The following CRACR2A variants were observed in gnomAD, a reference collection of about 807,000 sequenced individuals.
CRACR2A encodes the protein EF-hand calcium-binding domain-containing protein 4B.
In CRACR2A, 79 loss-of-function variants were observed where a neutral mutation model predicts 90.5. The ratio of observed to expected loss-of-function variants is 0.87; its 90% CI spans 0.73 to 1.05. CRACR2A has a LOEUF of 1.05. CRACR2A is among the 50% of genes least tolerant of loss of function. CRACR2A has a pLI of 0.00. For missense variants in CRACR2A, 823 were observed against 897.2 expected (o/e 0.92, Z 1.06); for synonymous variants, 338 against 356.7 (o/e 0.95, Z 0.59).
At chr12:3,702,265 C>T (rs1009997482) in intron 3 of CRACR2A, among the ~76,000 whole-genome samples, 4 of 152,136 alleles carry the variant, frequency 2.6e-5, no homozygotes, top group African/African-American at 9.7e-5. Flanking sequence ...TCTGTTCTTA[C>T]CACTTCTATT....
intron 4 of CRACR2A, 44 bp from the exon 5 acceptor site, chr12:3,680,393 G>A (rs1351943711): frequency 6.5e-7 from 1 of 1,541,234 alleles, no homozygotes; most frequent in South Asian, 1.1e-5. Flanking sequence ...GACACTCACT[G>A]GTGGGGGAGG....
At chr12:3,686,161 T>A (rs956212057) in intron 4 of CRACR2A, among the ~76,000 whole-genome samples, 2 of 152,244 alleles carry the variant, frequency 1.3e-5, no homozygotes, top group Admixed American at 6.5e-5. Flanking sequence ...AAACCCAAGT[T>A]AATTTACTAT....
At chr12:3,645,402 C>A (rs573242235) in intron 11 of CRACR2A, among the ~76,000 whole-genome samples, 3 of 151,948 alleles carry the variant, frequency 2.0e-5, no homozygotes, top group African/African-American at 7.3e-5. Flanking sequence ...GGAGATGAAG[C>A]GAGAGAAAAA....
chr12:3,636,545 C>A (rs1398698867), intron 14 of CRACR2A, among the ~76,000 whole-genome samples: 4 of 152,242 alleles, frequency 2.6e-5, no homozygotes, highest in Admixed American at 6.5e-5. Context: ...CATCAGATAG[C>A]GGTGAGGATA....
chr12:3,624,047 G>A (rs1289679569), intron 17 of CRACR2A, among the ~76,000 whole-genome samples: 1 of 152,216 alleles, frequency 6.6e-6, no homozygotes, highest in Non-Finnish European at 1.5e-5. Context: ...TCATGGCCAG[G>A]AAGTGATCAA....
intron 1 of CRACR2A, among the ~76,000 whole-genome samples, chr12:3,744,946 T>C (rs1183329247): frequency 6.6e-6 from 1 of 152,232 alleles, no homozygotes. Context: ...TTTTATGTTA[T>C]GTATATTTTA....
At chr12:3,741,099 T>C (rs1390564569) in intron 1 of CRACR2A, among the ~76,000 whole-genome samples, 1 of 152,230 alleles carries the variant, frequency 6.6e-6, no homozygotes, top group Non-Finnish European at 1.5e-5. Flanking sequence ...ACACCCAGAA[T>C]GACTTTCTTA....
Position 3,679,000 on chromosome 12 carries a change from CA to C in CRACR2A, c.438del (p.Asp146GlufsTer18). On this transcript the variant is annotated frameshift_variant, in exon 6 of 20. Transcript: ENST00000440314. LOFTEE classifies it high-confidence loss of function. Reference protein sequence around the residue: ...HEEKVYLSRGDEDLGDMGEDE... With the variant: ...HEEKVYLSRGXEDLGDMGEDE... ...TCTTCGCCCATGTCGCCCAGATCCTCATCCCCTCTGGACAGATACACCTTCT... is the reference window on the plus strand; with the variant it reads ...TCTTCGCCCATGTCGCCCAGATCCTCTCCCCTCTGGACAGATACACCTTCT... 1 of 1,614,160 alleles carries C rather than the reference CA, an allele frequency of 6.2e-7. No individual in the cohort carries two copies. The highest frequency in any genetic ancestry group is 8.5e-7 in the Non-Finnish European group (1 of 1,180,014).
chr12:3,652,568 A>C (rs1034550309), intron 10 of CRACR2A, among the ~76,000 whole-genome samples: 5 of 152,152 alleles, frequency 3.3e-5, no homozygotes, highest in African/African-American at 7.2e-5. Context: ...AGGATTCCGC[A>C]CATAAGTCAA....
chr12:3,683,830 T>C (rs1432756567), intron 4 of CRACR2A, among the ~76,000 whole-genome samples: 2 of 152,188 alleles, frequency 1.3e-5, no homozygotes, highest in African/African-American at 4.8e-5. Context: ...CTAAGAGCAA[T>C]GGCAGGAGAC....
chr12:3,709,106 G>A (rs181679300), intron 3 of CRACR2A, among the ~76,000 whole-genome samples: 2 of 152,176 alleles, frequency 1.3e-5, no homozygotes, highest in Non-Finnish European at 2.9e-5. Flanking sequence ...AGGGGACAAC[G>A]TACAAACAGC....
Position 3,680,441 on chromosome 12 carries a change from T to G in CRACR2A, c.229-92A>C, listed in dbSNP as rs17780600. 0.13 allele frequency: 142,328 copies of G among 1,091,092 alleles called. 10,417 individuals carry two copies. The highest frequency in any genetic ancestry group is 0.26 in the Admixed American group (13,312 of 51,410). 67.6% of individuals were successfully genotyped at this position (1,091,092 alleles called of 1,614,324 possible). On this transcript the variant is annotated intron_variant, in intron 4 of 19. Transcript: ENST00000440314. ...GCAGAGCCTTCTGCCAGAAAGTGTC[T>G]AGAGTTCGGCCCAGTCCTACAAAAG...
At chr12:3,689,553 T>C (rs1160300771) in intron 4 of CRACR2A, among the ~76,000 whole-genome samples, 2 of 152,232 alleles carry the variant, frequency 1.3e-5, no homozygotes, top group African/African-American at 2.4e-5. Flanking sequence ...TACTTGATCA[T>C]GGTGAGTAAG....
intron 1 of CRACR2A, among the ~76,000 whole-genome samples, chr12:3,736,340 T>C (rs903924092): frequency 3.3e-5 from 5 of 151,280 alleles, no homozygotes; most frequent in African/African-American, 1.2e-4. Flanking sequence ...ACATCTAGCT[T>C]CAGAGGTTAG....
chr12:3,743,650 T>C (rs751015025), intron 1 of CRACR2A, among the ~76,000 whole-genome samples: 3 of 152,332 alleles, frequency 2.0e-5, no homozygotes, highest in Non-Finnish European at 2.9e-5. Flanking sequence ...AAAAAGGACA[T>C]GGTAAGACCT....
At chr12:3,720,179 G>C (rs1413721629) in intron 2 of CRACR2A, among the ~76,000 whole-genome samples, 1 of 120,424 alleles carries the variant, frequency 8.3e-6, no homozygotes, top group African/African-American at 3.2e-5. Flanking sequence ...AAGGAAGGGA[G>C]GGCGGGAGGG....
chr12:3,627,401 A>G, intron 17 of CRACR2A, 35 bp downstream of exon 17: 1 of 1,477,626 alleles, frequency 6.8e-7, no homozygotes. Flanking sequence ...AGCCACAGTC[A>G]AGCCTAAATG....
chr12:3,674,906 C>T (rs1156442011), intron 6 of CRACR2A, among the ~76,000 whole-genome samples: 1 of 152,322 alleles, frequency 6.6e-6, no homozygotes, highest in African/African-American at 2.4e-5. Flanking sequence ...CCTTCACCTC[C>T]TTCCATCCTT....
chr12:3,697,538 C>T (rs1945762845), intron 3 of CRACR2A, among the ~76,000 whole-genome samples: 1 of 152,172 alleles, frequency 6.6e-6, no homozygotes, highest in Non-Finnish European at 1.5e-5. Context: ...CAGCAAATTA[C>T]TACAAAAGCT....
Sources: gnomAD v4.1 joint callset for allele counts (sites outside exome capture counted in the v4.1 genomes callset) on GRCh38, gnomAD v4.1.1 for gene constraint, MANE v1.5 for transcripts, NCBI Gene and HGNC (gene_info 2026-07-23, HGNC 2026-07-21) for gene names.